The following CLSTN1 variants were observed in gnomAD, a reference collection of about 807,000 sequenced individuals.
The protein encoded by CLSTN1 is calsyntenin 1.
In CLSTN1, 28 loss-of-function variants were observed where a neutral mutation model predicts 108.3. That is an observed-to-expected ratio of 0.26 (90% CI 0.19 to 0.35). The LOEUF (loss-of-function observed/expected upper bound fraction) is 0.35, where lower values mean the gene tolerates loss of function less well. CLSTN1 is among the 10% of genes least tolerant of loss of function. The probability of loss-of-function intolerance (pLI) is 1.00; values close to 1 mark genes in which losing one functional copy is unlikely to be tolerated. For missense variants in CLSTN1, 1,157 were observed against 1,302.6 expected (o/e 0.89, Z 1.72); for synonymous variants, 524 against 534.9 (o/e 0.98, Z 0.28).
At chr1:9,749,377 A>C (rs1651437288) in intron 7 of CLSTN1, 84 bp downstream of exon 7, 2 of 1,244,472 alleles carry the variant, frequency 1.6e-6, no homozygotes, top group East Asian at 2.4e-5. Context: ...TTATGAACAC[A>C]ACACACACAA....
At chr1:9,744,294 C>G in intron 8 of CLSTN1, 101 bp downstream of exon 8, 1 of 1,486,176 alleles carries the variant, frequency 6.7e-7, no homozygotes, top group Non-Finnish European at 9.0e-7. Context: ...CTACGAGCAC[C>G]AGGCTGGCAG....
intron 2 of CLSTN1, 73 bp from the exon 3 acceptor site, chr1:9,756,583 G>A: frequency 7.6e-7 from 1 of 1,324,200 alleles, no homozygotes; most frequent in Non-Finnish European, 1.1e-6. Flanking sequence ...AAGGAAAAAA[G>A]TCAAAGGTGC....
At chr1:9,791,187 C>T (rs1295281420) in intron 1 of CLSTN1, among the ~76,000 whole-genome samples, 1 of 149,770 alleles carries the variant, frequency 6.7e-6, no homozygotes, top group Non-Finnish European at 1.5e-5. Context: ...TCCTGTTAAA[C>T]CTGGCTTAAA....
rs374545404 is a variant in CLSTN1 at position 9,804,769 on chromosome 1, C to T, written c.91+18874G>A. Among the ~76,000 whole-genome samples the T allele has an allele frequency of 6.6e-5, 10 of 152,180 alleles. No individual in the cohort carries two copies. In the East Asian group the frequency reaches 1.7e-3, roughly 26 times the overall value. On this transcript the variant is annotated intron_variant, in intron 1 of 18. Coordinates refer to ENST00000377298, the MANE Select transcript of CLSTN1 (RefSeq NM_001009566.3). ...ATCACCTGAGTTCGGAAAGTCAAGG[C>T]TGCAGTGAGCCGAGTTTATGCCACT...
chr1:9,752,661 A>G (rs1229370325), intron 4 of CLSTN1, among the ~76,000 whole-genome samples: 5 of 152,070 alleles, frequency 3.3e-5, no homozygotes, highest in African/African-American at 1.2e-4. Flanking sequence ...TCAGAGTTAA[A>G]GACCATCCTG....
chr1:9,801,618 G>A (rs889752740), intron 1 of CLSTN1, among the ~76,000 whole-genome samples: 2 of 152,074 alleles, frequency 1.3e-5, no homozygotes, highest in Admixed American at 6.6e-5. Flanking sequence ...GCAGTGGCAC[G>A]ATCTCGGCTC....
At chr1:9,756,580 A>C in intron 2 of CLSTN1, 70 bp from the exon 3 acceptor site, 1 of 1,380,952 alleles carries the variant, frequency 7.2e-7, no homozygotes. Flanking sequence ...ACTAAGGAAA[A>C]AAGTCAAAGG....
intron 1 of CLSTN1, among the ~76,000 whole-genome samples, chr1:9,807,955 G>T (rs1190189258): frequency 6.6e-6 from 1 of 152,328 alleles, no homozygotes; most frequent in Non-Finnish European, 1.5e-5. Context: ...ATCCCAGGTG[G>T]GGGTCAAGGG....
chr1:9,759,755 A>G (rs772215164), intron 2 of CLSTN1, among the ~76,000 whole-genome samples: 38 of 152,328 alleles, frequency 2.5e-4, no homozygotes, highest in Non-Finnish European at 4.0e-4. Flanking sequence ...TTCTTCACCG[A>G]AAAGGTTTGC....
At chr1:9,796,308 A>AC (rs1653999594) in intron 1 of CLSTN1, among the ~76,000 whole-genome samples, 1 of 149,928 alleles carries the variant, frequency 6.7e-6, no homozygotes, top group African/African-American at 2.4e-5. Flanking sequence ...AAAAAAAAAA[A>AC]CAGGCATTTG....
At chr1:9,760,346 C>T (rs1248917539) in intron 2 of CLSTN1, among the ~76,000 whole-genome samples, 1 of 152,112 alleles carries the variant, frequency 6.6e-6, no homozygotes, top group African/African-American at 2.4e-5. Flanking sequence ...TCAGGCAGAC[C>T]TGGGTCTTCC....
At chr1:9,819,179 A>C (rs989551191) in intron 1 of CLSTN1, among the ~76,000 whole-genome samples, 2 of 152,168 alleles carry the variant, frequency 1.3e-5, no homozygotes, top group African/African-American at 4.8e-5. Flanking sequence ...ATACATAAGA[A>C]ATAGACTCTT....
At chr1:9,797,034 G>A (rs1197746858) in intron 1 of CLSTN1, among the ~76,000 whole-genome samples, 1 of 152,148 alleles carries the variant, frequency 6.6e-6, no homozygotes, top group Non-Finnish European at 1.5e-5. Flanking sequence ...TGCGTGGTAG[G>A]GGTACTTGGG....
intron 1 of CLSTN1, among the ~76,000 whole-genome samples, chr1:9,794,520 G>A (rs1042364260): frequency 1.3e-5 from 2 of 151,236 alleles, no homozygotes; most frequent in African/African-American, 2.4e-5. Context: ...TGTTGGCCAT[G>A]CTGGTCTCGA....
intron 2 of CLSTN1, among the ~76,000 whole-genome samples, chr1:9,769,753 G>A (rs910342471): frequency 6.6e-6 from 1 of 152,172 alleles, no homozygotes; most frequent in Non-Finnish European, 1.5e-5. Context: ...TTAAAAGGGT[G>A]ATTTTTTGGC....
At chr1:9,768,940 G>A (rs1652517961) in intron 2 of CLSTN1, among the ~76,000 whole-genome samples, 1 of 144,240 alleles carries the variant, frequency 6.9e-6, no homozygotes, top group Admixed American at 6.9e-5. Flanking sequence ...AGGGAAAGAG[G>A]GAGGGAGGGA....
intron 16 of CLSTN1, 35 bp from the exon 17 acceptor site, chr1:9,731,931 G>C: frequency 6.2e-7 from 1 of 1,613,518 alleles, no homozygotes. Context: ...CTGGAGACAG[G>C]CATCCTGAGC....
chr1:9,779,232 T>C (rs1379871594), intron 1 of CLSTN1, among the ~76,000 whole-genome samples: 1 of 152,088 alleles, frequency 6.6e-6, no homozygotes, highest in Non-Finnish European at 1.5e-5. Flanking sequence ...GGTTGAACAC[T>C]TTATCTAACC....
At chr1:9,784,411 G>C (rs992511265) in intron 1 of CLSTN1, among the ~76,000 whole-genome samples, 2 of 152,144 alleles carry the variant, frequency 1.3e-5, no homozygotes, top group Non-Finnish European at 2.9e-5. Context: ...GGGAGGCTGA[G>C]ACAGGAGGAA....
Sources: gnomAD v4.1 joint callset for allele counts (sites outside exome capture counted in the v4.1 genomes callset) on GRCh38, gnomAD v4.1.1 for gene constraint, MANE v1.5 for transcripts, NCBI Gene and HGNC (gene_info 2026-07-23, HGNC 2026-07-21) for gene names.